MAP2K4: variants seen among roughly 807,000 people sequenced by gnomAD.
MAP2K4 encodes the protein dual specificity mitogen-activated protein kinase kinase 4.
A neutral mutation model predicts 48.5 loss-of-function variants in MAP2K4; 4 were observed. That is an observed-to-expected ratio of 0.08 (90% CI 0.04 to 0.19). MAP2K4 has a LOEUF of 0.19. Ranked by LOEUF, MAP2K4 falls within the 10% of genes least tolerant of loss-of-function variation. The pLI is 1.00. For synonymous variants in MAP2K4, 166 were observed against 173.1 expected, an observed-to-expected ratio of 0.96 and a Z score of 0.32; for missense variants, 258 against 493.3, an observed-to-expected ratio of 0.52 and a Z score of 4.52.
At chr17:12,134,426 A>G (rs1368648619) in intron 9 of MAP2K4, among the ~76,000 whole-genome samples, 1 of 152,204 alleles carries the variant, frequency 6.6e-6, no homozygotes, top group Non-Finnish European at 1.5e-5. Flanking sequence ...CCTGAACTGA[A>G]TGGGGGAAAA....
intron 3 of MAP2K4, among the ~76,000 whole-genome samples, chr17:12,092,462 A>G (rs1002507630): frequency 1.4e-4 from 21 of 152,212 alleles, no homozygotes; most frequent in African/African-American, 5.1e-4. Context: ...AGTCTTTCCC[A>G]TAGATATTGT....
Position 12,141,296 on chromosome 17 carries a change from G to A in MAP2K4, c.*36G>A, listed in dbSNP as rs1973371008. 2 of 1,424,566 alleles carry A rather than the reference G, an allele frequency of 1.4e-6. No homozygotes were observed. Among genetic ancestry groups the A allele is most frequent in the Non-Finnish European group, 2.0e-6 (2 of 1,007,734 alleles). The allele number at this position is 1,424,566 out of a possible 1,614,324, so 88.2% of individuals were successfully genotyped here. A position where few individuals can be genotyped will look rare whatever the true frequency, so the allele number is the denominator to read the frequency against. On this transcript the variant is annotated 3_prime_UTR_variant, in exon 11 of 11. Coordinates refer to ENST00000353533, the MANE Select transcript of MAP2K4 (RefSeq NM_003010.4). Reference sequence around the variant, plus strand: ...ACATCAGACTCTAGAAAAAAGGGCTGAGAGGAAGCAAGACGTAAAGAATTT... The same window carrying A: ...ACATCAGACTCTAGAAAAAAGGGCTAAGAGGAAGCAAGACGTAAAGAATTT...
rs28923206 is a variant in MAP2K4 at position 12,104,565 on chromosome 17, A to T, written c.514-3225A>T. 8.0e-4 allele frequency among the ~76,000 whole-genome samples: 121 copies of T among 151,298 alleles called. 2 individuals are homozygous for T. The East Asian group carries it at 8.1e-3, about 10-fold the overall frequency. Reference sequence around the variant, plus strand: ...TTTTACATGTATTTAGGCTTTTTTTAAAAAAAAATTGCCTTTGATATAATT... The same window carrying T: ...TTTTACATGTATTTAGGCTTTTTTTTAAAAAAAATTGCCTTTGATATAATT... On this transcript the variant is annotated intron_variant, in intron 4 of 10. Transcript: ENST00000353533.
chr17:12,032,237 T>C (rs1969462144), intron 1 of MAP2K4: 1 of 1,340,416 alleles, frequency 7.5e-7, no homozygotes, highest in Non-Finnish European at 9.8e-7. Flanking sequence ...TTACAGTAAA[T>C]GAACTGGAAC....
intron 2 of MAP2K4, among the ~76,000 whole-genome samples, chr17:12,062,716 T>C (rs1970488482): frequency 6.6e-6 from 1 of 152,204 alleles, no homozygotes; most frequent in South Asian, 2.1e-4. Flanking sequence ...TCTCCAGAAT[T>C]GTGTTTGTAT....
At position 12,132,436 on chromosome 17, in the gene MAP2K4, C is replaced by G. The variant is rs180738047; in HGVS notation, c.1040+3149C>G. Among the ~76,000 whole-genome samples, 208 of 152,214 alleles carry G rather than the reference C, an allele frequency of 1.4e-3. 1 individual carries two copies. The highest frequency in any genetic ancestry group is 4.6e-3 in the African/African-American group (192 of 41,534). Reference sequence around the variant, plus strand: ...TTCACTCAGCAACTTCAGTAAATCTCACGAATGATGTTGAGTGAAAGAAGA... The same window carrying G: ...TTCACTCAGCAACTTCAGTAAATCTGACGAATGATGTTGAGTGAAAGAAGA... On this transcript the variant is annotated intron_variant, in intron 9 of 10. Coordinates refer to ENST00000353533, the MANE Select transcript of MAP2K4 (RefSeq NM_003010.4).
rs564068216 is a variant in MAP2K4, at chr17:12,033,554, CTGTTA to C, written c.115+12557_115+12561del. Among the ~76,000 whole-genome samples, 722 of 152,212 alleles carry C rather than the reference CTGTTA, an allele frequency of 4.7e-3. 6 individuals are homozygous for C. Among genetic ancestry groups the C allele is most frequent in the African/African-American group, 0.016 (685 of 41,518 alleles). On this transcript the variant is annotated intron_variant, in intron 1 of 10. Transcript: ENST00000353533. ...AAAAGTTTTTTTAATTGGTTCATTA[CTGTTA>C]TGTCTCCCTTGCCTTAAATAACTGA...
In MAP2K4 at chr17:12,067,835, T is replaced by C. The variant is rs547905689; in HGVS notation, c.218+12844T>C. On this transcript the variant is annotated intron_variant, in intron 2 of 10. Coordinates refer to ENST00000353533, the MANE Select transcript of MAP2K4 (RefSeq NM_003010.4). ...TTTCATGTTGAAAAAAGAGATGTGA[T>C]TGTTACTTCATGAAGCTTGAGATTT... 7.2e-5 allele frequency among the ~76,000 whole-genome samples: 11 copies of C among 152,284 alleles called. No homozygotes were observed. The South Asian group carries it at 2.3e-3, about 32-fold the overall frequency.
intron 7 of MAP2K4, 40 bp downstream of exon 7, chr17:12,113,400 G>A: frequency 6.2e-7 from 1 of 1,602,584 alleles, no homozygotes; most frequent in Non-Finnish European, 8.5e-7. Flanking sequence ...GATAGTCATT[G>A]CACAGAGAGC....
chr17:12,128,565 A>C (rs1972930584), intron 8 of MAP2K4, among the ~76,000 whole-genome samples: 1 of 152,142 alleles, frequency 6.6e-6, no homozygotes, highest in African/African-American at 2.4e-5. Context: ...TTCAGGATGC[A>C]GGGTTTGACC....
intron 5 of MAP2K4, 71 bp downstream of exon 5, chr17:12,107,980 C>A: frequency 7.6e-7 from 1 of 1,310,268 alleles, no homozygotes; most frequent in Non-Finnish European, 1.0e-6. Flanking sequence ...GTTTTGAATG[C>A]ACATATTTGA....
intron 2 of MAP2K4, among the ~76,000 whole-genome samples, chr17:12,058,720 T>C (rs1416434889): frequency 6.6e-6 from 1 of 152,202 alleles, no homozygotes; most frequent in Non-Finnish European, 1.5e-5. Context: ...TCTACAAATA[T>C]TTTAGTATGC....
chr17:12,103,620 A>G (rs1410449795), intron 4 of MAP2K4, among the ~76,000 whole-genome samples: 2 of 151,932 alleles, frequency 1.3e-5, no homozygotes, highest in Non-Finnish European at 2.9e-5. Context: ...CCCTCATCAC[A>G]TTTCCCTTTC....
In MAP2K4 at chr17:12,143,116, G is replaced by GA. The variant is rs1488954694; in HGVS notation, c.*1859dup. The GA allele has an allele frequency of 4.3e-6, 1 of 232,828 alleles. No individual in the cohort carries two copies. Among genetic ancestry groups the GA allele is most frequent in the Non-Finnish European group, 8.5e-6 (1 of 117,896 alleles). The allele number at this position is 232,828 out of a possible 1,614,324, so 14.4% of individuals were successfully genotyped here. On this transcript the variant is annotated 3_prime_UTR_variant, in exon 11 of 11. Transcript: ENST00000353533. ...TAAACTTTAGACTTCCCACTGTTCT[G>GA]AAAGGAGACATTGCTCTATGTCTGC...
intron 7 of MAP2K4, among the ~76,000 whole-genome samples, chr17:12,117,805 T>C (rs956555385): frequency 6.6e-6 from 1 of 152,168 alleles, no homozygotes; most frequent in Admixed American, 6.5e-5. Flanking sequence ...AAAAGTGTGG[T>C]GTTCGTATGA....
intron 2 of MAP2K4, 110 bp downstream of exon 2, chr17:12,055,101 T>C: frequency 1.6e-6 from 1 of 621,462 alleles, no homozygotes; most frequent in Non-Finnish European, 2.8e-6. Context: ...CTGACTAAAC[T>C]CTCTGGGAAT....
In MAP2K4 at chr17:12,126,604, A is replaced by G. The variant is rs559454353; in HGVS notation, c.891+1233A>G. 2.6e-5 allele frequency among the ~76,000 whole-genome samples: 4 copies of G among 152,334 alleles called. No homozygotes were observed. The South Asian group carries it at 8.3e-4, about 32-fold the overall frequency. ...TTCTTACAAGGGCACTAATTAGATT[A>G]ATGAGGGTTCCACCCTCGTGACCCC... On this transcript the variant is annotated intron_variant, in intron 8 of 10. Transcript: ENST00000353533.
chr17:12,094,112 C>A (rs961710105), intron 3 of MAP2K4, among the ~76,000 whole-genome samples: 25 of 152,038 alleles, frequency 1.6e-4, no homozygotes, highest in African/African-American at 6.0e-4. Flanking sequence ...ATTTTGTTTC[C>A]ATTTTTCATT....
At chr17:12,095,291 G>A (rs1971697605) in intron 3 of MAP2K4, among the ~76,000 whole-genome samples, 1 of 152,078 alleles carries the variant, frequency 6.6e-6, no homozygotes, top group African/African-American at 2.4e-5. Flanking sequence ...AATTTTTACT[G>A]CCTAAGAACT....
Sources: allele counts gnomAD v4.1 joint callset (sites outside exome capture counted in the v4.1 genomes callset), GRCh38; gene constraint gnomAD v4.1.1; transcripts MANE v1.5; gene names NCBI Gene and HGNC (gene_info 2026-07-23, HGNC 2026-07-21).